Variants in ESR1 observed in about 807,000 individuals in gnomAD.
ESR1 encodes the protein estrogen receptor 1, also known as estrogen receptor.
A neutral mutation model predicts 52.7 loss-of-function variants in ESR1; 12 were observed. The ratio of observed to expected loss-of-function variants is 0.23; its 90% CI spans 0.15 to 0.37. The LOEUF is 0.37. Ranked by LOEUF, ESR1 falls within the 10% of genes least tolerant of loss-of-function variation. The pLI, the probability that ESR1 is intolerant of heterozygous loss-of-function variation, is 1.00. For synonymous variants in ESR1, 305 were observed against 316.8 expected, an observed-to-expected ratio of 0.96 and a Z score of 0.39; for missense variants, 584 against 779.7, an observed-to-expected ratio of 0.75 and a Z score of 2.99.
intron 2 of ESR1, among the ~76,000 whole-genome samples, chr6:151,867,610 C>G (rs1182889073): frequency 6.6e-6 from 1 of 152,196 alleles, no homozygotes; most frequent in Non-Finnish European, 1.5e-5. Flanking sequence ...TACTATCTCA[C>G]ACCAGTTAGA....
At chr6:151,669,784 T>A (rs1276920501) in intron 1 of ESR1, among the ~76,000 whole-genome samples, 1 of 152,168 alleles carries the variant, frequency 6.6e-6, no homozygotes, top group African/African-American at 2.4e-5. Context: ...TAAAGAAATT[T>A]AGTGCAGATG....
rs1304677796 is a variant in ESR1 at position 151,666,701 on chromosome 6, C to G, written n.73+9938C>G. On this transcript the variant is annotated intron_variant and non_coding_transcript_variant, in intron 1 of 2. Transcript: ENST00000473497. ...TTGGTGCCTCTTCCCCATCCCCCTC[C>G]TCCTCCTCCTCCTCCTCCTCCTCCT... 4.6e-5 allele frequency among the ~76,000 whole-genome samples: 4 copies of G among 86,968 alleles called. No individual in the cohort carries two copies. In the South Asian group the frequency reaches 1.6e-3, roughly 35 times the overall value. 57.1% of individuals were successfully genotyped at this position (86,968 alleles called of 152,430 possible).
intron 1 of ESR1, among the ~76,000 whole-genome samples, chr6:151,815,086 C>T (rs912437712): frequency 2.6e-5 from 4 of 152,090 alleles, no homozygotes; most frequent in Non-Finnish European, 4.4e-5. Flanking sequence ...GGTGATTTTG[C>T]GGGAGTGGGG....
chr6:151,822,686 G>A (rs889793693), intron 1 of ESR1, among the ~76,000 whole-genome samples: 4 of 152,198 alleles, frequency 2.6e-5, no homozygotes, highest in South Asian at 2.1e-4. Context: ...GCCTCATGAC[G>A]CTGTGCCAGG....
intron 2 of ESR1, among the ~76,000 whole-genome samples, chr6:151,739,659 C>T (rs1379929124): frequency 6.6e-6 from 1 of 152,240 alleles, no homozygotes; most frequent in African/African-American, 2.4e-5. Context: ...CCCCGAACCC[C>T]TTTGATCCCA....
chr6:151,907,870 C>A (rs564585504), intron 3 of ESR1, among the ~76,000 whole-genome samples: 10 of 152,218 alleles, frequency 6.6e-5, no homozygotes, highest in African/African-American at 2.4e-4. Flanking sequence ...GCAAGCATCA[C>A]AAACTGTGAT....
intron 3 of ESR1, among the ~76,000 whole-genome samples, chr6:151,941,544 A>AT (rs1194118281): frequency 2.2e-3 from 317 of 142,748 alleles, no homozygotes; most frequent in Non-Finnish European, 2.3e-3. Flanking sequence ...TTGCTCTTAC[A>AT]TTTTTTTTTT....
At chr6:151,996,665 T>G (rs1199805909) in intron 4 of ESR1, among the ~76,000 whole-genome samples, 1 of 152,058 alleles carries the variant, frequency 6.6e-6, no homozygotes, top group Non-Finnish European at 1.5e-5. Flanking sequence ...CAATAGACAG[T>G]GATAAGCATG....
intron 7 of ESR1, chr6:152,096,618 T>C (rs1158168388): frequency 4.4e-6 from 2 of 455,890 alleles, no homozygotes; most frequent in Non-Finnish European, 8.8e-6. Context: ...TGAATTCGGC[T>C]TCTACTTGGT....
intron 5 of ESR1, among the ~76,000 whole-genome samples, chr6:152,059,158 G>C (rs1029737128): frequency 6.6e-6 from 1 of 151,912 alleles, no homozygotes; most frequent in Admixed American, 6.6e-5. Flanking sequence ...CTCTTTAAAT[G>C]GGCAAATGTT....
chr6:151,718,832 A>G (rs923679233), intron 2 of ESR1, among the ~76,000 whole-genome samples: 6 of 152,078 alleles, frequency 3.9e-5, no homozygotes, highest in South Asian at 2.1e-4. Flanking sequence ...ATGAGTGTCT[A>G]TTTGTGGCTC....
intron 6 of ESR1, among the ~76,000 whole-genome samples, chr6:152,073,358 A>G (rs1406328985): frequency 1.3e-5 from 2 of 152,204 alleles, no homozygotes; most frequent in Admixed American, 6.6e-5. Flanking sequence ...ATTTTCCTCC[A>G]CCAAATTACG....
intron 6 of ESR1, among the ~76,000 whole-genome samples, chr6:152,123,761 T>C (rs961889500): frequency 7.7e-4 from 118 of 152,342 alleles, no homozygotes; most frequent in African/African-American, 2.8e-3. Context: ...TTAAGAGTTT[T>C]AATATCACCA....
At chr6:151,783,151 A>G (rs1346993876) in intron 2 of ESR1, among the ~76,000 whole-genome samples, 1 of 152,244 alleles carries the variant, frequency 6.6e-6, no homozygotes, top group Non-Finnish European at 1.5e-5. Context: ...TGCTCGGTTG[A>G]GGAGCAAGTG....
upstream of ESR1, among the ~76,000 whole-genome samples, chr6:151,800,990 T>A (rs143670564): frequency 1.9e-3 from 285 of 151,798 alleles, no homozygotes; most frequent in African/African-American, 6.6e-3. Context: ...TGTCTTTTTT[T>A]AAAAAAAATC....
intron 1 of ESR1, among the ~76,000 whole-genome samples, chr6:151,816,736 A>ACAAAG (rs2128179655): frequency 6.6e-6 from 1 of 152,274 alleles, no homozygotes; most frequent in East Asian, 1.9e-4. Flanking sequence ...ACAAAACAAA[A>ACAAAG]CAACTGTAAA....
rs541895194 is a variant in ESR1, at chr6:151,669,147, G to GGAGAGAGAGAGAGAGAGAGAGAGAGAGA, written n.73+12399_73+12426dup. ...GTGGTAGGAAGCTCTTTGGGAGCTG[G>GGAGAGAGAGAGAGAGAGAGAGAGAGAGA]GAGAGAGAGAGAGAGAGAGAGAGAG... is the stretch of plus-strand genomic sequence containing the variant. On this transcript the variant is annotated intron_variant and non_coding_transcript_variant, in intron 1 of 2. Coordinates refer to the ESR1 transcript ENST00000473497. 3.9e-4 allele frequency among the ~76,000 whole-genome samples: 27 copies of GGAGAGAGAGAGAGAGAGAGAGAGAGAGA among 69,298 alleles called. 2 individuals carry two copies. Among genetic ancestry groups the GGAGAGAGAGAGAGAGAGAGAGAGAGAGA allele is most frequent in the South Asian group, 5.4e-4 (1 of 1,860 alleles). 45.5% of individuals were successfully genotyped at this position (69,298 alleles called of 152,430 possible).
upstream of ESR1, among the ~76,000 whole-genome samples, chr6:151,806,713 G>A (rs915839079): frequency 2.0e-5 from 3 of 151,886 alleles, no homozygotes; most frequent in African/African-American, 7.3e-5. Flanking sequence ...GGATAGACAT[G>A]CAGAAATGCA....
At chr6:152,087,632 A>C (rs971127589) in intron 6 of ESR1, among the ~76,000 whole-genome samples, 2 of 152,226 alleles carry the variant, frequency 1.3e-5, no homozygotes, top group African/African-American at 2.4e-5. Flanking sequence ...TCTCCATTCT[A>C]ACCAGTCCAG....
Sources: gnomAD v4.1 joint callset for allele counts (sites outside exome capture counted in the v4.1 genomes callset) on GRCh38, gnomAD v4.1.1 for gene constraint, MANE v1.5 for transcripts, NCBI Gene and HGNC (gene_info 2026-07-23, HGNC 2026-07-21) for gene names.